Variants in GRM7 observed in about 807,000 individuals in gnomAD.
The protein encoded by GRM7 is glutamate metabotropic receptor 7, also known as metabotropic glutamate receptor 7.
GRM7 carries 35 observed loss-of-function variants against 84.5 expected under a neutral mutation model. The observed-to-expected ratio is 0.41, with a 90% confidence interval of 0.32 to 0.55. The LOEUF is 0.55. GRM7 is among the 20% of genes least tolerant of loss of function. The pLI is 0.19. For missense variants in GRM7, 1,003 were observed against 1,194.6 expected, an observed-to-expected ratio of 0.84 and a Z score of 2.36; for synonymous variants, 487 against 455.1, an observed-to-expected ratio of 1.07 and a Z score of -0.89.
In GRM7 at chr3:7,162,729, A is replaced by ATTTTT. The variant is rs71063284; in HGVS notation, c.736+16105_736+16109dup. 5.5e-5 allele frequency among the ~76,000 whole-genome samples: 3 copies of ATTTTT among 54,718 alleles called. 1 individual carries two copies. The highest frequency in any genetic ancestry group is 7.8e-5 in the Non-Finnish European group (2 of 25,686). The allele number at this position is 54,718 out of a possible 152,430, so 35.9% of individuals were successfully genotyped here. A position where few individuals can be genotyped will look rare whatever the true frequency, so the allele number is the denominator to read the frequency against. Reference sequence around the variant, plus strand: ...CAATCTCCCATTACTCCCATTTTTCATTTTTTTTTTTTTTTTTTTTTTTTT... The same window carrying ATTTTT: ...CAATCTCCCATTACTCCCATTTTTCATTTTTTTTTTTTTTTTTTTTTTTTTTTTTT... On this transcript the variant is annotated intron_variant, in intron 2 of 9. Transcript: ENST00000357716.
intron 1 of GRM7, among the ~76,000 whole-genome samples, chr3:6,886,695 A>G (rs997680132): frequency 6.6e-6 from 1 of 151,888 alleles, no homozygotes; most frequent in African/African-American, 2.4e-5. Flanking sequence ...CTTAGGCGAG[A>G]TGGTAAATGT....
In GRM7 at chr3:7,047,447, C is replaced by T. The variant is rs532860704; in HGVS notation, c.520-99005C>T. 2.0e-5 allele frequency among the ~76,000 whole-genome samples: 3 copies of T among 152,132 alleles called. No homozygotes were observed. The South Asian group carries it at 6.2e-4, about 32-fold the overall frequency. The stretch of plus-strand genomic sequence containing the variant: ...TAGTGGTTTAATGGAGTCGTATAGT[C>T]CAACCACCATCTCTCTCACCAGTGG... On this transcript the variant is annotated intron_variant, in intron 1 of 9. Coordinates refer to ENST00000357716, the MANE Select transcript of GRM7 (RefSeq NM_000844.4).
In GRM7 at chr3:7,620,723, A is replaced by G. The variant is rs1298588620; in HGVS notation, c.2451+41366A>G. Among the ~76,000 whole-genome samples the G allele has an allele frequency of 5.3e-5, 8 of 152,166 alleles. 1 individual carries two copies. Among genetic ancestry groups the G allele is most frequent in the Admixed American group, 5.2e-4 (8 of 15,258 alleles). On this transcript the variant is annotated intron_variant, in intron 8 of 9. Transcript: ENST00000357716. ...TCTTCATTTTTATGTCTGGTTATAG[A>G]GTACAGAAATTGCTTTAAAATGACC... is the stretch of plus-strand genomic sequence containing the variant.
chr3:6,936,643 A>G (rs1341453433), intron 1 of GRM7, among the ~76,000 whole-genome samples: 2 of 152,186 alleles, frequency 1.3e-5, no homozygotes, highest in Non-Finnish European at 2.9e-5. Flanking sequence ...GATTGGACCC[A>G]GGATGATAAT....
intron 1 of GRM7, among the ~76,000 whole-genome samples, chr3:7,049,513 T>C (rs1696920494): frequency 6.6e-6 from 1 of 151,932 alleles, no homozygotes; most frequent in South Asian, 2.1e-4. Context: ...ATGGAGATTA[T>C]TAGAATTCAA....
At chr3:7,476,462 G>T (rs569218553) in intron 7 of GRM7, among the ~76,000 whole-genome samples, 4 of 152,148 alleles carry the variant, frequency 2.6e-5, no homozygotes, top group Admixed American at 1.3e-4. Context: ...CAGGAGAATC[G>T]CTTGAACCCA....
intron 1 of GRM7, among the ~76,000 whole-genome samples, chr3:6,971,537 A>C (rs1484376929): frequency 6.6e-6 from 1 of 152,168 alleles, no homozygotes; most frequent in East Asian, 1.9e-4. Context: ...TAAATCCCAG[A>C]CCCAATTCCA....
At chr3:7,266,174 T>TA (rs1196165344) in intron 2 of GRM7, among the ~76,000 whole-genome samples, 1 of 151,758 alleles carries the variant, frequency 6.6e-6, no homozygotes, top group Non-Finnish European at 1.5e-5. Flanking sequence ...ACAGTAGGGG[T>TA]AAAAAATACT....
chr3:7,334,646 C>T (rs1701334970), intron 4 of GRM7, among the ~76,000 whole-genome samples: 1 of 152,062 alleles, frequency 6.6e-6, no homozygotes, highest in Admixed American at 6.6e-5. Flanking sequence ...AAAAGTCTAT[C>T]AACCAAGTAT....
intron 1 of GRM7, among the ~76,000 whole-genome samples, chr3:6,918,286 C>T (rs560361570): frequency 6.6e-6 from 1 of 152,308 alleles, no homozygotes; most frequent in African/African-American, 2.4e-5. Flanking sequence ...GCCTTCAGTT[C>T]ATTTTTACAC....
chr3:7,204,711 A>T (rs373164748), intron 2 of GRM7, among the ~76,000 whole-genome samples: 11 of 152,352 alleles, frequency 7.2e-5, no homozygotes, highest in East Asian at 1.9e-4. Flanking sequence ...TGACTTCCCC[A>T]TTGGGACTGC....
chr3:6,926,222 A>T (rs978646352), intron 1 of GRM7, among the ~76,000 whole-genome samples: 50 of 152,242 alleles, frequency 3.3e-4, no homozygotes, highest in African/African-American at 1.1e-3. Flanking sequence ...CTCATTAGCT[A>T]AAGACAAGCC....
chr3:7,477,900 T>C (rs188633698), intron 7 of GRM7, among the ~76,000 whole-genome samples: 4 of 152,272 alleles, frequency 2.6e-5, no homozygotes, highest in African/African-American at 9.6e-5. Context: ...CCCTTTGAAA[T>C]TGCATGTTAT....
chr3:7,131,138 G>A (rs372618594), intron 1 of GRM7, among the ~76,000 whole-genome samples: 2 of 152,232 alleles, frequency 1.3e-5, no homozygotes, highest in East Asian at 3.9e-4. Context: ...ATAGGCAAAT[G>A]CTCAGCTTTG....
chr3:7,527,098 T>C (rs1700836897), intron 7 of GRM7, among the ~76,000 whole-genome samples: 6 of 152,060 alleles, frequency 3.9e-5, no homozygotes, highest in Admixed American at 3.9e-4. Context: ...TAGCATTGAA[T>C]ACGTACATTG....
At chr3:6,875,686 A>G (rs1695276721) in intron 1 of GRM7, among the ~76,000 whole-genome samples, 1 of 152,188 alleles carries the variant, frequency 6.6e-6, no homozygotes, top group African/African-American at 2.4e-5. Flanking sequence ...CCTGCTTATA[A>G]CTTAGCTTAT....
chr3:7,365,647 GTATA>G (rs755999982), intron 4 of GRM7, among the ~76,000 whole-genome samples: 2 of 130,048 alleles, frequency 1.5e-5, no homozygotes, highest in African/African-American at 5.6e-5. Flanking sequence ...GTGCGTGTGT[GTATA>G]TATATATATA....
chr3:7,392,851 C>T (rs889442024), intron 4 of GRM7, among the ~76,000 whole-genome samples: 1 of 152,160 alleles, frequency 6.6e-6, no homozygotes, highest in Non-Finnish European at 1.5e-5. Flanking sequence ...AGTCTAGTTG[C>T]ATCTTAGTCT....
intron 1 of GRM7, among the ~76,000 whole-genome samples, chr3:7,035,203 T>C (rs1044943081): frequency 6.6e-6 from 1 of 152,142 alleles, no homozygotes; most frequent in Non-Finnish European, 1.5e-5. Flanking sequence ...AAATCAGAGA[T>C]GTGCACCGCC....
Sources: allele counts gnomAD v4.1 joint callset (sites outside exome capture counted in the v4.1 genomes callset), GRCh38; gene constraint gnomAD v4.1.1; transcripts MANE v1.5; gene names NCBI Gene and HGNC (gene_info 2026-07-23, HGNC 2026-07-21).